Variants in ACADSB observed in about 807,000 individuals in gnomAD.
ACADSB encodes the protein acyl-CoA dehydrogenase short/branched chain.
A neutral mutation model predicts 54.1 loss-of-function variants in ACADSB; 40 were observed. That is an observed-to-expected ratio of 0.74 (90% CI 0.57 to 0.96). The LOEUF is 0.96. Among genes scored for constraint, ACADSB ranks in the 40% least tolerant of loss-of-function variants. The pLI, the probability that ACADSB is intolerant of heterozygous loss-of-function variation, is 0.00. For synonymous variants in ACADSB, 182 were observed against 182.8 expected, an observed-to-expected ratio of 1.00 and a Z score of 0.03; for missense variants, 530 against 510.4, an observed-to-expected ratio of 1.04 and a Z score of -0.37.
At chr10:123,027,526 G>C (rs1185333818) in intron 1 of ACADSB, 1 of 455,454 alleles carries the variant, frequency 2.2e-6, no homozygotes, top group East Asian at 7.0e-5. Flanking sequence ...ATTTTCTGCT[G>C]CTGCTATGTA....
chr10:123,033,892 G>A (rs1850360865), intron 1 of ACADSB, among the ~76,000 whole-genome samples: 1 of 152,200 alleles, frequency 6.6e-6, no homozygotes, highest in Non-Finnish European at 1.5e-5. Flanking sequence ...AGCTGCCTGG[G>A]CTCTCTCAGC....
intron 5 of ACADSB, 68 bp downstream of exon 5, chr10:123,041,447 CCTT>C: frequency 6.6e-7 from 1 of 1,517,128 alleles, no homozygotes; most frequent in Non-Finnish European, 9.1e-7. Context: ...ATCTTTTCCT[CCTT>C]CTGTTTCCTT....
intron 1 of ACADSB, among the ~76,000 whole-genome samples, chr10:123,019,982 A>G (rs1850163145): frequency 1.3e-5 from 2 of 152,136 alleles, no homozygotes; most frequent in African/African-American, 4.8e-5. Flanking sequence ...GCTGAATAGA[A>G]TTTATTGTGA....
intron 1 of ACADSB, among the ~76,000 whole-genome samples, chr10:123,026,092 G>A (rs1308116347): frequency 6.6e-6 from 1 of 151,992 alleles, no homozygotes; most frequent in Non-Finnish European, 1.5e-5. Flanking sequence ...AAACAAAAAA[G>A]AGAATGCCTT....
At chr10:123,022,274 G>C (rs1022532867) in intron 1 of ACADSB, among the ~76,000 whole-genome samples, 40 of 152,178 alleles carry the variant, frequency 2.6e-4, no homozygotes, top group African/African-American at 2.4e-5. Context: ...AAGAGAATCA[G>C]CAAATGGTAA....
At chr10:123,029,763 T>G (rs2133469505) in intron 1 of ACADSB, among the ~76,000 whole-genome samples, 1 of 152,342 alleles carries the variant, frequency 6.6e-6, no homozygotes, top group Non-Finnish European at 1.5e-5. Context: ...TTTGCACATG[T>G]CTACTTGTGC....
At chr10:123,018,702 C>T (rs11248362) in intron 1 of ACADSB, among the ~76,000 whole-genome samples, 10,947 of 152,118 alleles carry the variant, frequency 0.072, 464 homozygotes, top group Middle Eastern at 0.16. Context: ...ACGTGGCTGA[C>T]GAGGCCCCAC....
chr10:123,019,673 C>A (rs763091584), intron 1 of ACADSB, among the ~76,000 whole-genome samples: 2 of 152,200 alleles, frequency 1.3e-5, no homozygotes, highest in Non-Finnish European at 2.9e-5. Flanking sequence ...ATTCTGACAA[C>A]TTTTACAATA....
chr10:123,022,375 C>T (rs78197193), intron 1 of ACADSB, among the ~76,000 whole-genome samples: 2,009 of 152,326 alleles, frequency 0.013, 50 homozygotes, highest in African/African-American at 0.044. Flanking sequence ...GCCACAGCTA[C>T]TGAGCCACTG....
chr10:123,037,905 T>C (rs1434003951), intron 3 of ACADSB, 58 bp downstream of exon 3: 11 of 1,246,220 alleles, frequency 8.8e-6, no homozygotes, highest in Non-Finnish European at 9.5e-6. Flanking sequence ...GGGACTGTAA[T>C]GATAGCATAA....
At chr10:123,013,720 G>A (rs543099252) in intron 1 of ACADSB, among the ~76,000 whole-genome samples, 3 of 152,232 alleles carry the variant, frequency 2.0e-5, no homozygotes, top group African/African-American at 4.8e-5. Context: ...TGGGGGACCC[G>A]GCGCACCCTC....
At position 123,058,051 on chromosome 10, in the gene ACADSB, C is replaced by T. The variant is rs1241007593; in HGVS notation, c.*4286C>T. ...ATCACTTGCCAAAGACACTGGCTCT[C>T]CTCAGCTGTAACCAGCATGTCAAAT... On this transcript the variant is annotated 3_prime_UTR_variant, in exon 11 of 11. Transcript: ENST00000358776. 1 of 152,200 alleles carries T rather than the reference C, an allele frequency of 6.6e-6. No homozygotes were observed. The highest frequency in any genetic ancestry group is 1.5e-5 in the Non-Finnish European group (1 of 68,038). The allele number at this position is 152,200 out of a possible 1,614,324, so 9.4% of individuals were successfully genotyped here. A position where few individuals can be genotyped will look rare whatever the true frequency, so the allele number is the denominator to read the frequency against.
Position 123,041,289 on chromosome 10 carries a change from TTATTA to T in ACADSB, c.593_597del (p.Tyr198CysfsTer13). ...AGACCAGAGCTGATAAAGAGGGAGA[TTATTA>T]TGTCCTCAATGGATCAAAGATGTGG... On this transcript the variant is annotated frameshift_variant, in exon 5 of 11. Transcript: ENST00000358776. LOFTEE classifies it high-confidence loss of function. 6.2e-7 allele frequency: 1 copy of T among 1,614,178 alleles called. No individual in the cohort carries two copies. Among genetic ancestry groups the T allele is most frequent in the Non-Finnish European group, 8.5e-7 (1 of 1,180,018 alleles).
intron 7 of ACADSB, among the ~76,000 whole-genome samples, chr10:123,046,242 A>T (rs1850559766): frequency 6.6e-6 from 1 of 152,250 alleles, no homozygotes; most frequent in Non-Finnish European, 1.5e-5. Flanking sequence ...AGAATAAAAG[A>T]CTAAAAGAAA....
intron 1 of ACADSB, among the ~76,000 whole-genome samples, chr10:123,019,409 A>G (rs973953920): frequency 6.6e-6 from 1 of 152,246 alleles, no homozygotes; most frequent in Admixed American, 6.5e-5. Flanking sequence ...TAAAATAATT[A>G]TAGTTGGCTA....
intron 1 of ACADSB, among the ~76,000 whole-genome samples, chr10:123,021,139 A>G (rs918787441): frequency 9.9e-5 from 15 of 152,246 alleles, no homozygotes; most frequent in African/African-American, 1.4e-4. Context: ...TTAAATGAAA[A>G]TTGTGTTCAA....
intron 3 of ACADSB, among the ~76,000 whole-genome samples, chr10:123,039,371 G>A (rs1400503194): frequency 6.6e-6 from 1 of 152,206 alleles, no homozygotes; most frequent in Non-Finnish European, 1.5e-5. Context: ...TGTCTAGAGA[G>A]AGACTAAGAG....
chr10:123,023,090 T>C (rs1324412627), intron 1 of ACADSB, among the ~76,000 whole-genome samples: 1 of 152,208 alleles, frequency 6.6e-6, no homozygotes, highest in Non-Finnish European at 1.5e-5. Context: ...CAGATATTTT[T>C]ACCGATAACT....
intron 1 of ACADSB, among the ~76,000 whole-genome samples, chr10:123,012,778 G>T (rs1053886072): frequency 5.3e-5 from 8 of 152,144 alleles, no homozygotes; most frequent in African/African-American, 1.9e-4. Context: ...ATTGAGCAGC[G>T]GCAAGATTTA....
Sources: allele counts gnomAD v4.1 joint callset (sites outside exome capture counted in the v4.1 genomes callset), GRCh38; gene constraint gnomAD v4.1.1; transcripts MANE v1.5; gene names NCBI Gene and HGNC (gene_info 2026-07-23, HGNC 2026-07-21).